TRPM8: variants seen among roughly 807,000 people sequenced by gnomAD.
TRPM8 encodes transient receptor potential cation channel subfamily M member 8.
A neutral mutation model predicts 133.7 loss-of-function variants in TRPM8; 110 were observed. The ratio of observed to expected loss-of-function variants is 0.82; its 90% CI spans 0.70 to 0.96. The LOEUF is 0.96. Ranked by LOEUF, TRPM8 falls within the 40% of genes least tolerant of loss-of-function variation. The probability of loss-of-function intolerance (pLI) is 0.00; values close to 1 mark genes in which losing one functional copy is unlikely to be tolerated. For synonymous variants in TRPM8, 535 were observed against 532.3 expected (o/e 1.01, Z -0.07); for missense variants, 1,291 against 1,379.5 (o/e 0.94, Z 1.02).
chr2:233,930,819 T>C (rs1691665886), intron 3 of TRPM8, 78 bp downstream of exon 3: 5 of 868,840 alleles, frequency 5.8e-6, no homozygotes, highest in Admixed American at 4.3e-5. Context: ...AAACAAATGC[T>C]CCCTAGTTCA....
In TRPM8 at chr2:234,007,437, C is replaced by A. The variant is rs550789910; in HGVS notation, c.3230+485C>A. Among the ~76,000 whole-genome samples the A allele has an allele frequency of 3.3e-5, 5 of 152,296 alleles. No individual in the cohort carries two copies. In the South Asian group the frequency reaches 1.0e-3, roughly 32 times the overall value. ...AAAAATCCTGAATTCATTTATGAATCGCATGAAGCTGTTATAAAATCCATG... is the reference window on the plus strand; with the variant it reads ...AAAAATCCTGAATTCATTTATGAATAGCATGAAGCTGTTATAAAATCCATG... On this transcript the variant is annotated intron_variant, in intron 23 of 25. Coordinates refer to ENST00000324695, the MANE Select transcript of TRPM8 (RefSeq NM_024080.5).
At chr2:234,001,832 G>A (rs1383494177) in intron 22 of TRPM8, among the ~76,000 whole-genome samples, 1 of 152,116 alleles carries the variant, frequency 6.6e-6, no homozygotes, top group East Asian at 1.9e-4. Context: ...AGATAATTTC[G>A]CGGAGAGCCT....
intron 1 of TRPM8, among the ~76,000 whole-genome samples, chr2:233,920,074 C>A (rs1305476557): frequency 6.6e-6 from 1 of 152,158 alleles, no homozygotes; most frequent in Non-Finnish European, 1.5e-5. Context: ...GGGCTCACTG[C>A]AGATGTCTCA....
chr2:233,953,805 G>A (rs773535444), intron 9 of TRPM8, 112 bp from the exon 10 acceptor site: 13 of 683,984 alleles, frequency 1.9e-5, no homozygotes, highest in Non-Finnish European at 2.7e-5. Flanking sequence ...AAGCTGATCC[G>A]GAACTCCACT....
chr2:234,007,009 A>G, intron 23 of TRPM8, 57 bp downstream of exon 23: 1 of 1,340,338 alleles, frequency 7.5e-7, no homozygotes, highest in African/African-American at 1.4e-5. Flanking sequence ...ATAAGCCCAT[A>G]GAACGTAGGC....
intron 2 of TRPM8, among the ~76,000 whole-genome samples, chr2:233,927,985 T>G (rs1462737418): frequency 1.4e-5 from 2 of 138,196 alleles, no homozygotes; most frequent in Non-Finnish European, 3.0e-5. Flanking sequence ...TCTTTTTTTT[T>G]TTGAGACGGA....
intron 15 of TRPM8, among the ~76,000 whole-genome samples, chr2:233,968,870 AG>A (rs930185136): frequency 6.6e-6 from 1 of 152,110 alleles, no homozygotes; most frequent in African/African-American, 2.4e-5. Flanking sequence ...CAGTCTGGGG[AG>A]AGCTTTTACA....
At chr2:234,013,865 T>C (rs1692897394) in intron 24 of TRPM8, 1 of 152,174 alleles carries the variant, frequency 6.6e-6, no homozygotes, top group South Asian at 2.1e-4. Context: ...CTTTTATTTT[T>C]AAACAGTTAA....
At position 233,937,404 on chromosome 2, in the gene TRPM8, C is replaced by T. The variant is rs1690780319; in HGVS notation, c.243C>T (p.Thr81=). 1.2e-6 allele frequency: 2 copies of T among 1,613,984 alleles called. No individual in the cohort carries two copies. Among genetic ancestry groups the T allele is most frequent in the Admixed American group, 1.7e-5 (1 of 59,990 alleles). The change falls in exon 4 of 26, where the codon ACC becomes ACT. Residue 81 remains threonine, a synonymous_variant. Transcript: ENST00000324695. The stretch of plus-strand genomic sequence containing the variant: ...CCCAGAGCCAGCACATGGAAGGCAC[C>T]CAGATCAACCAAAGTGAGAAATGGA... The part of the protein sequence containing the change: ...GYAQSQHMEG[T]QINQSEKWNY...
intron 21 of TRPM8, among the ~76,000 whole-genome samples, chr2:233,992,638 T>G (rs759925792): frequency 6.6e-6 from 1 of 152,124 alleles, no homozygotes; most frequent in Non-Finnish European, 1.5e-5. Flanking sequence ...ACTGCATGTC[T>G]CCAGCCAGCT....
At chr2:233,993,674 C>G (rs1443643461) in intron 21 of TRPM8, among the ~76,000 whole-genome samples, 1 of 152,148 alleles carries the variant, frequency 6.6e-6, no homozygotes, top group African/African-American at 2.4e-5. Context: ...CCACTTAAGC[C>G]ATGGTGCAAT....
At chr2:233,946,103 A>G in intron 7 of TRPM8, 73 bp downstream of exon 7, 5 of 1,413,942 alleles carry the variant, frequency 3.5e-6, no homozygotes, top group Non-Finnish European at 3.9e-6. Flanking sequence ...AACAATCACT[A>G]CCAACTATTG....
At chr2:233,959,248 A>C (rs1017222828) in intron 11 of TRPM8, among the ~76,000 whole-genome samples, 1 of 150,748 alleles carries the variant, frequency 6.6e-6, no homozygotes, top group African/African-American at 2.4e-5. Context: ...CTGGTCTCGA[A>C]CTCCTGACCT....
chr2:233,920,772 G>T (rs1324692140), intron 1 of TRPM8, among the ~76,000 whole-genome samples: 2 of 152,004 alleles, frequency 1.3e-5, no homozygotes, highest in African/African-American at 4.8e-5. Flanking sequence ...CCCCTCAATG[G>T]TGACACCTCA....
chr2:233,931,739 C>A (rs962914796), intron 3 of TRPM8, among the ~76,000 whole-genome samples: 1 of 152,196 alleles, frequency 6.6e-6, no homozygotes, highest in Non-Finnish European at 1.5e-5. Context: ...ACCAGAAAAA[C>A]TAAGAGATCT....
chr2:233,930,534 ATGCTGG>A, intron 2 of TRPM8, 128 bp from the exon 3 acceptor site: 1 of 603,816 alleles, frequency 1.7e-6, no homozygotes, highest in Non-Finnish European at 2.8e-6. Flanking sequence ...GCATGAACAA[ATGCTGG>A]ATGCTATGAA....
chr2:233,942,494 C>T lies in TRPM8; in HGVS notation c.527-82C>T, dbSNP rs1280240457. ...GTCCTGATGCCTACAGGGATGGGGC[C>T]TTTATTTTAGGGGTCTGTGAGCCCA... On this transcript the variant is annotated intron_variant, in intron 5 of 25. Transcript: ENST00000324695. 2.1e-6 allele frequency: 3 copies of T among 1,428,550 alleles called. No homozygotes were observed. In the African/African-American group the frequency reaches 4.2e-5, roughly 20 times the overall value. The allele number at this position is 1,428,550 out of a possible 1,614,324, so 88.5% of individuals were successfully genotyped here. A position where few individuals can be genotyped will look rare whatever the true frequency, so the allele number is the denominator to read the frequency against.
Position 233,981,824 on chromosome 2 carries a change from G to C in TRPM8, c.2498G>C (p.Cys833Ser). The change falls in exon 19 of 26, where the codon TGT becomes TCT. Residue 833 changes from cysteine to serine, a missense_variant. By Grantham distance (112) the Cys-to-Ser change is moderately radical (BLOSUM62 -1). This residue lies in a region of TRPM8 where 328 missense variants were observed against 410.6 expected (regional missense o/e 0.80). Transcript: ENST00000324695. Reference protein sequence around the residue: ...SSLYSGRVIFCLDYIIFTLRL... With the variant: ...SSLYSGRVIFSLDYIIFTLRL... The stretch of plus-strand genomic sequence containing the variant: ...TTGTATTCTGGACGAGTCATTTTCT[G>C]TCTGGACTACATTATTTTCACTCTA... The C allele has an allele frequency of 2.5e-6, 4 of 1,613,664 alleles. No individual in the cohort carries two copies. The highest frequency in any genetic ancestry group is 3.4e-6 in the Non-Finnish European group (4 of 1,179,804).
intron 22 of TRPM8, among the ~76,000 whole-genome samples, chr2:233,999,385 G>A (rs1170331343): frequency 2.6e-5 from 4 of 152,244 alleles, no homozygotes; most frequent in Admixed American, 6.5e-5. Context: ...AAAGTCAGAT[G>A]ACGTCACTTC....
Sources: gnomAD v4.1 joint callset for allele counts (sites outside exome capture counted in the v4.1 genomes callset) on GRCh38, gnomAD v4.1.1 for gene constraint, gnomAD v4.1.1 regional missense constraint, MANE v1.5 for transcripts, NCBI Gene and HGNC (gene_info 2026-07-23, HGNC 2026-07-21) for gene names.